Variants in PIK3CD observed in about 807,000 individuals in gnomAD.
The protein encoded by PIK3CD is phosphatidylinositol 4,5-bisphosphate 3-kinase catalytic subunit delta isoform.
Under a neutral mutation model 122.9 loss-of-function variants are expected in PIK3CD, and 20 were observed. That is an observed-to-expected ratio of 0.16 (90% CI 0.11 to 0.24). PIK3CD has a LOEUF of 0.24. Ranked by LOEUF, PIK3CD falls within the 10% of genes least tolerant of loss-of-function variation. The pLI is 1.00. For synonymous variants in PIK3CD, 596 were observed against 593.4 expected, an observed-to-expected ratio of 1.00 and a Z score of -0.06; for missense variants, 787 against 1,406.3, an observed-to-expected ratio of 0.56 and a Z score of 7.04.
At chr1:9,716,234 C>T in intron 5 of PIK3CD, 156 bp downstream of exon 5, 3 of 826,300 alleles carry the variant, frequency 3.6e-6, no homozygotes, top group African/African-American at 3.4e-5. Context: ...AACTGAACGT[C>T]CCCCCAGGCA....
the PIK3CD span, among the ~76,000 whole-genome samples, chr1:9,646,272 G>A: frequency 1.3e-5 from 2 of 152,192 alleles, no homozygotes; most frequent in African/African-American, 4.8e-5. Flanking sequence ...GTATCAGGGA[G>A]AAAATATAAC....
the PIK3CD span, among the ~76,000 whole-genome samples, chr1:9,642,903 C>A: frequency 1.9e-4 from 28 of 150,726 alleles, no homozygotes; most frequent in Non-Finnish European, 3.1e-4. Flanking sequence ...CCAGCCTGGG[C>A]AACATAGCGA....
In PIK3CD at chr1:9,720,471, G is replaced by A. The variant is rs1314999050; in HGVS notation, c.1471-140G>A. ...ATGCTCTTGGCATCTCGTGAGTGGA[G>A]GCCAGAGCTGCTGTGGATGCGCCTC... On this transcript the variant is annotated intron_variant, in intron 11 of 23. Coordinates refer to ENST00000377346, the MANE Select transcript of PIK3CD (RefSeq NM_005026.5). This position sits in a 1 kb window ranked among gnomAD's most constrained non-coding sequence, Gnocchi z 9.0. 6.7e-7 allele frequency: 1 copy of A among 1,486,158 alleles called. No homozygotes were observed. Among genetic ancestry groups the A allele is most frequent in the Non-Finnish European group, 9.0e-7 (1 of 1,105,166 alleles). The allele number at this position is 1,486,158 out of a possible 1,614,324, so 92.1% of individuals were successfully genotyped here.
intron 2 of PIK3CD, among the ~76,000 whole-genome samples, chr1:9,697,049 G>A (rs1041122034): frequency 7.1e-6 from 1 of 140,582 alleles, no homozygotes; most frequent in African/African-American, 2.7e-5. Flanking sequence ...AGGGGACAGA[G>A]TAAGATCCTG....
intron 2 of PIK3CD, among the ~76,000 whole-genome samples, chr1:9,695,853 A>AAGAAAAG (rs1646395330): frequency 6.7e-6 from 1 of 150,248 alleles, no homozygotes; most frequent in African/African-American, 2.5e-5. Context: ...CAAAAAAAAA[A>AAGAAAAG]AAAAGAAAAG....
rs769821519 is a variant in PIK3CD, at chr1:9,720,985, GCCAACC to G, written c.1689+79_1689+84del. The G allele has an allele frequency of 1.2e-3, 1,801 of 1,495,276 alleles. 3 individuals carry two copies. The highest frequency in any genetic ancestry group is 1.8e-3 in the Admixed American group (91 of 50,912). The allele number at this position is 1,495,276 out of a possible 1,614,324, so 92.6% of individuals were successfully genotyped here. A position where few individuals can be genotyped will look rare whatever the true frequency, so the allele number is the denominator to read the frequency against. On this transcript the variant is annotated intron_variant, in intron 13 of 23. Transcript: ENST00000377346. This position sits in a 1 kb window ranked among gnomAD's most constrained non-coding sequence, Gnocchi z 9.0. ...CTGGCTACCCACCACCCTGACCCCGGCCAACCCCCACCCTCACCCTGGCCAACCTTC... is the reference window on the plus strand; with the variant it reads ...CTGGCTACCCACCACCCTGACCCCGGCCCACCCTCACCCTGGCCAACCTTC...
chr1:9,629,744 C>G, the PIK3CD span, among the ~76,000 whole-genome samples: 3 of 152,218 alleles, frequency 2.0e-5, no homozygotes, highest in East Asian at 5.8e-4. Context: ...AGGGTACTCG[C>G]CGGACTCCCA....
intron 3 of PIK3CD, among the ~76,000 whole-genome samples, chr1:9,714,046 CTT>C (rs1647165777): frequency 6.6e-6 from 1 of 151,736 alleles, no homozygotes; most frequent in Non-Finnish European, 1.5e-5. Context: ...GAGATGGAGT[CTT>C]ATTATGTTGC....
chr1:9,638,031 C>A, the PIK3CD span, among the ~76,000 whole-genome samples: 1 of 151,912 alleles, frequency 6.6e-6, no homozygotes, highest in African/African-American at 2.4e-5. Flanking sequence ...TGCTTGAACC[C>A]GGGAGGTAGA....
chr1:9,715,844 C>G lies in PIK3CD; in HGVS notation c.371-5C>G, dbSNP rs149617980. The G allele has an allele frequency of 1.5e-5, 24 of 1,611,728 alleles. No homozygotes were observed. In the South Asian group the frequency reaches 2.6e-4, roughly 18 times the overall value. ...CCCGCTGACCCAGCCCTCCCCACCC[C>G]GCAGGCCTCCACGAGTTTGACTCCT... On this transcript the variant is annotated splice_polypyrimidine_tract_variant and splice_region_variant and intron_variant, in intron 4 of 23. Transcript: ENST00000377346. The surrounding 1 kb of genome is among the most constrained non-coding windows in gnomAD (Gnocchi z 4.1).
intron 1 of PIK3CD, among the ~76,000 whole-genome samples, chr1:9,661,603 G>A (rs2100832786): frequency 6.6e-6 from 1 of 152,062 alleles, no homozygotes; most frequent in East Asian, 1.9e-4. Context: ...GCTCACACCT[G>A]TAATCCCAGC....
At chr1:9,712,305 A>G (rs377651411) in intron 3 of PIK3CD, among the ~76,000 whole-genome samples, 1 of 141,792 alleles carries the variant, frequency 7.1e-6, no homozygotes, top group Non-Finnish European at 1.5e-5. Flanking sequence ...TTTTTGAGAC[A>G]GGGTTCACTC....
rs1647586737 is a variant in PIK3CD at position 9,716,998 on chromosome 1, C to T, written c.820C>T (p.Leu274=). ...SCLHSGLTPH[L]TMVHSSSILA... ...CCTGCACAGTGGGTTGACCCCTCAC[C>T]TGACCATGGTCCATTCCTCCTCCAT... The change falls in exon 7 of 24, where the codon CTG becomes TTG. Residue 274 remains leucine (L), a synonymous_variant. Transcript: ENST00000377346. 1 of 1,613,938 alleles carries T rather than the reference C, an allele frequency of 6.2e-7. No homozygotes were observed. Among genetic ancestry groups the T allele is most frequent in the Non-Finnish European group, 8.5e-7 (1 of 1,180,028 alleles).
chr1:9,698,746 G>C (rs1177319153), intron 2 of PIK3CD, among the ~76,000 whole-genome samples: 1 of 152,156 alleles, frequency 6.6e-6, no homozygotes, highest in Non-Finnish European at 1.5e-5. Context: ...TCTTGATTTT[G>C]ATGTGTAGTA....
Position 9,681,607 on chromosome 1 carries a change from T to G in PIK3CD, c.-137-9860T>G, listed in dbSNP as rs372789486. Among the ~76,000 whole-genome samples the G allele has an allele frequency of 8.5e-5, 13 of 152,224 alleles. No homozygotes were observed. In the East Asian group the frequency reaches 2.5e-3, roughly 29 times the overall value. On this transcript the variant is annotated intron_variant, in intron 1 of 23. Coordinates refer to ENST00000377346, the MANE Select transcript of PIK3CD (RefSeq NM_005026.5). ...TTTAGTAGAGATGGTTTCACCATGT[T>G]AGCCAGGCTGGCTTGAACTCCTGAC...
chr1:9,684,331 G>C (rs1281791543), intron 1 of PIK3CD, among the ~76,000 whole-genome samples: 1 of 152,170 alleles, frequency 6.6e-6, no homozygotes, highest in Non-Finnish European at 1.5e-5. Context: ...GGGGTCAGGA[G>C]TTCGAGACCA....
intron 2 of PIK3CD, among the ~76,000 whole-genome samples, chr1:9,709,342 C>T (rs185081784): frequency 9.5e-4 from 145 of 152,224 alleles, no homozygotes; most frequent in African/African-American, 3.4e-3. Context: ...CTGCACCCGG[C>T]CTGACTGGAA....
At chr1:9,714,910 C>T (rs1378037024) in intron 3 of PIK3CD, among the ~76,000 whole-genome samples, 1 of 152,110 alleles carries the variant, frequency 6.6e-6, no homozygotes, top group Admixed American at 6.5e-5. Flanking sequence ...GTGGCTCACA[C>T]CTGTAATCCC....
chr1:9,693,985 G>C (rs2100513382), intron 2 of PIK3CD, among the ~76,000 whole-genome samples: 1 of 152,308 alleles, frequency 6.6e-6, no homozygotes, highest in South Asian at 2.1e-4. Context: ...CACCCCAGCA[G>C]GTGGCAGGTT....
Sources: allele counts gnomAD v4.1 joint callset (sites outside exome capture counted in the v4.1 genomes callset), GRCh38; gene constraint gnomAD v4.1.1; non-coding constraint Gnocchi (gnomAD v3.1); transcripts MANE v1.5; gene names NCBI Gene and HGNC (gene_info 2026-07-23, HGNC 2026-07-21).